Variants in PIBF1 observed in about 807,000 individuals in gnomAD.
The protein encoded by PIBF1 is progesterone immunomodulatory binding factor 1, also known as progesterone-induced-blocking factor 1.
Under a neutral mutation model 112.5 loss-of-function variants are expected in PIBF1, and 90 were observed. That is an observed-to-expected ratio of 0.80 (90% confidence interval 0.67 to 0.95). PIBF1 has a LOEUF of 0.95. Ranked by LOEUF, PIBF1 falls within the 40% of genes least tolerant of loss-of-function variation. PIBF1 has a pLI of 0.00. For missense variants in PIBF1, 915 were observed against 852.3 expected, an observed-to-expected ratio of 1.07 and a Z score of -0.92; for synonymous variants, 301 against 288.6, an observed-to-expected ratio of 1.04 and a Z score of -0.44.
chr13:72,817,265 A>G (rs2036318743), intron 5 of PIBF1, among the ~76,000 whole-genome samples: 1 of 152,152 alleles, frequency 6.6e-6, no homozygotes, highest in South Asian at 2.1e-4. Context: ...CATGGGAGAG[A>G]CAAAAGACTT....
At chr13:72,944,285 G>A (rs994326355) in intron 14 of PIBF1, among the ~76,000 whole-genome samples, 4 of 151,626 alleles carry the variant, frequency 2.6e-5, no homozygotes, top group Admixed American at 6.6e-5. Flanking sequence ...TGTCTCTACT[G>A]AAAATACAAA....
chr13:72,797,639 G>A (rs889536439), intron 4 of PIBF1, among the ~76,000 whole-genome samples: 1 of 152,128 alleles, frequency 6.6e-6, no homozygotes, highest in African/African-American at 2.4e-5. Flanking sequence ...TGTGGAGTGA[G>A]CAGTAGTAGA....
intron 1 of PIBF1, among the ~76,000 whole-genome samples, chr13:72,782,875 C>CGT (rs34618038): frequency 0.024 from 3,479 of 147,422 alleles, 50 homozygotes; most frequent in African/African-American, 0.043. Context: ...TCGTTAAGGG[C>CGT]GTGTGTGTGT....
intron 5 of PIBF1, among the ~76,000 whole-genome samples, chr13:72,800,092 G>A (rs554397153): frequency 6.6e-6 from 1 of 152,252 alleles, no homozygotes; most frequent in African/African-American, 2.4e-5. Flanking sequence ...CTGGAGTGCA[G>A]TGGTGCCATG....
intron 16 of PIBF1, among the ~76,000 whole-genome samples, chr13:72,993,198 G>A (rs919289493): frequency 3.9e-5 from 6 of 152,040 alleles, no homozygotes; most frequent in Non-Finnish European, 1.5e-5. Flanking sequence ...GTTGGTGCAT[G>A]CCTGTAGACC....
chr13:72,920,160 T>C (rs557131602), intron 13 of PIBF1, among the ~76,000 whole-genome samples: 40 of 152,330 alleles, frequency 2.6e-4, no homozygotes, highest in African/African-American at 8.9e-4. Context: ...CCACAACTGA[T>C]TCATACTCGA....
intron 11 of PIBF1, among the ~76,000 whole-genome samples, chr13:72,905,119 G>A (rs942405064): frequency 4.7e-5 from 7 of 149,330 alleles, no homozygotes; most frequent in African/African-American, 1.5e-4. Flanking sequence ...CCAAGCTGTA[G>A]TGTGATGGCA....
At chr13:72,982,815 A>C (rs988466340) in intron 16 of PIBF1, among the ~76,000 whole-genome samples, 3 of 152,200 alleles carry the variant, frequency 2.0e-5, no homozygotes, top group Non-Finnish European at 4.4e-5. Context: ...TCCTGTATCC[A>C]AGGACAATTT....
At chr13:73,013,882 C>T (rs902267451) in intron 17 of PIBF1, among the ~76,000 whole-genome samples, 4 of 151,870 alleles carry the variant, frequency 2.6e-5, no homozygotes, top group East Asian at 1.9e-4. Context: ...AAACATTTAA[C>T]GTTATGAAAG....
At chr13:72,805,460 A>G (rs905884686) in intron 5 of PIBF1, among the ~76,000 whole-genome samples, 1 of 152,278 alleles carries the variant, frequency 6.6e-6, no homozygotes, top group Non-Finnish European at 1.5e-5. Context: ...CTAACTTTTA[A>G]TAAGACATGA....
intron 9 of PIBF1, among the ~76,000 whole-genome samples, chr13:72,835,589 TC>T (rs1052519893): frequency 3.1e-5 from 2 of 65,426 alleles, no homozygotes; most frequent in Non-Finnish European, 5.8e-5. Context: ...TCCTGTTATG[TC>T]TTTTTTTTTT....
intron 16 of PIBF1, among the ~76,000 whole-genome samples, chr13:72,992,952 A>G (rs2043526803): frequency 1.3e-5 from 2 of 152,238 alleles, no homozygotes. Context: ...AAACTGGGGG[A>G]AAAACAAATT....
At chr13:72,789,329 C>T (rs1381894409) in intron 2 of PIBF1, among the ~76,000 whole-genome samples, 2 of 152,020 alleles carry the variant, frequency 1.3e-5, no homozygotes, top group African/African-American at 4.8e-5. Flanking sequence ...AGACTACAGG[C>T]GTGTACCACC....
chr13:72,936,967 T>C (rs570802603), intron 14 of PIBF1, among the ~76,000 whole-genome samples: 1 of 152,322 alleles, frequency 6.6e-6, no homozygotes, highest in African/African-American at 2.4e-5. Context: ...AATACTATTA[T>C]TTTTTAGTTT....
chr13:72,944,644 CAA>C lies in PIBF1; in HGVS notation c.1833+13378_1833+13379del, dbSNP rs374536236. 3.1e-4 allele frequency among the ~76,000 whole-genome samples: 47 copies of C among 151,812 alleles called. 1 individual carries two copies. In the East Asian group the frequency reaches 8.5e-3, roughly 28 times the overall value. On this transcript the variant is annotated intron_variant, in intron 14 of 17. Coordinates refer to ENST00000326291, the MANE Select transcript of PIBF1 (RefSeq NM_006346.4). ...TTTGTTTTATTTTTTTTAATTAAGACAAGTATTCATTGATGAATAGTGTTTAT... is the reference window on the plus strand; with the variant it reads ...TTTGTTTTATTTTTTTTAATTAAGACGTATTCATTGATGAATAGTGTTTAT...
At chr13:72,854,015 A>G (rs766840984) in intron 9 of PIBF1, 42 bp from the exon 10 acceptor site, 2 of 1,334,528 alleles carry the variant, frequency 1.5e-6, no homozygotes, top group Admixed American at 1.7e-5. Context: ...ACATAGATAA[A>G]TCACGCATTT....
chr13:72,844,760 C>CACGGATGAAGTCTTACTGTTT (rs1555296173), intron 9 of PIBF1, among the ~76,000 whole-genome samples: 41 of 129,614 alleles, frequency 3.2e-4, no homozygotes, highest in South Asian at 8.2e-4. Flanking sequence ...CACACACACA[C>CACGGATGAAGTCTTACTGTTT]ACACACACAC....
intron 3 of PIBF1, among the ~76,000 whole-genome samples, chr13:72,792,931 C>A (rs2035010797): frequency 6.6e-6 from 1 of 152,134 alleles, no homozygotes; most frequent in Non-Finnish European, 1.5e-5. Context: ...GTGGGCTTAT[C>A]ATGCTTAAAT....
In PIBF1 at chr13:72,965,415, T is replaced by C; in HGVS notation, c.1964+11T>C. ...TGAGAAAGATGTCAGGTAAACCATC[T>C]ACAAATCTTTTATTTGAATAATAAA... On this transcript the variant is annotated intron_variant, in intron 15 of 17. Transcript: ENST00000326291. 2 of 1,591,102 alleles carry C rather than the reference T, an allele frequency of 1.3e-6. No homozygotes were observed. The highest frequency in any genetic ancestry group is 1.7e-6 in the Non-Finnish European group (2 of 1,169,666).
Sources: gnomAD v4.1 joint callset for allele counts (sites outside exome capture counted in the v4.1 genomes callset) on GRCh38, gnomAD v4.1.1 for gene constraint, MANE v1.5 for transcripts, NCBI Gene and HGNC (gene_info 2026-07-23, HGNC 2026-07-21) for gene names.